PDE4D: variants seen among roughly 807,000 people sequenced by gnomAD.
The protein encoded by PDE4D is phosphodiesterase 4D.
Under a neutral mutation model 87.4 loss-of-function variants are expected in PDE4D, and 24 were observed. The ratio of observed to expected loss-of-function variants is 0.27; its 90% CI spans 0.20 to 0.39. PDE4D has a LOEUF of 0.39. Among genes scored for constraint, PDE4D ranks in the 10% least tolerant of loss-of-function variants. PDE4D has a pLI of 1.00. For synonymous variants in PDE4D, 384 were observed against 383.2 expected (o/e 1.00, Z -0.02); for missense variants, 714 against 1,041.0 (o/e 0.69, Z 4.32).
At chr5:59,575,258 C>T (rs1822944747) in intron 1 of PDE4D, among the ~76,000 whole-genome samples, 1 of 152,038 alleles carries the variant, frequency 6.6e-6, no homozygotes, top group Non-Finnish European at 1.5e-5. Context: ...GTCTGAAGAC[C>T]ACATCATGTA....
chr5:59,814,428 T>G (rs1404270873), intron 1 of PDE4D, among the ~76,000 whole-genome samples: 1 of 152,216 alleles, frequency 6.6e-6, no homozygotes, highest in Non-Finnish European at 1.5e-5. Flanking sequence ...CTAAGGAACT[T>G]CGATATGTGT....
intron 5 of PDE4D, among the ~76,000 whole-genome samples, chr5:59,042,819 A>C (rs1759916788): frequency 6.6e-6 from 1 of 152,166 alleles, no homozygotes; most frequent in Admixed American, 6.5e-5. Flanking sequence ...CTTCTGTCAC[A>C]GTGATATGCT....
chr5:60,132,393 G>A (rs149058208), intron 2 of PDE4D, among the ~76,000 whole-genome samples: 67 of 152,008 alleles, frequency 4.4e-4, no homozygotes, highest in Non-Finnish European at 8.4e-4. Flanking sequence ...ATGTATTACC[G>A]TATTCCAGAA....
intron 2 of PDE4D, among the ~76,000 whole-genome samples, chr5:60,035,931 C>T (rs925920156): frequency 1.3e-5 from 2 of 152,216 alleles, no homozygotes; most frequent in Non-Finnish European, 2.9e-5. Context: ...CAGATTCAAA[C>T]TGTGATTTTA....
intron 5 of PDE4D, among the ~76,000 whole-genome samples, chr5:59,086,243 T>C (rs1767656124): frequency 1.3e-5 from 2 of 152,184 alleles, no homozygotes; most frequent in Admixed American, 1.3e-4. Flanking sequence ...TCTGGCTTCT[T>C]GTATAAATCT....
At chr5:59,723,746 C>A (rs1457248122) in intron 1 of PDE4D, among the ~76,000 whole-genome samples, 1 of 152,092 alleles carries the variant, frequency 6.6e-6, no homozygotes, top group Non-Finnish European at 1.5e-5. Flanking sequence ...CATTCTGAGA[C>A]CCACGTAAGG....
chr5:60,322,697 T>C (rs1399194099), intron 1 of PDE4D, among the ~76,000 whole-genome samples: 2 of 152,202 alleles, frequency 1.3e-5, no homozygotes, highest in Non-Finnish European at 2.9e-5. Flanking sequence ...TACCAATGGC[T>C]TTTAAGCATA....
At chr5:59,051,478 C>A (rs959018616) in intron 5 of PDE4D, among the ~76,000 whole-genome samples, 1 of 152,210 alleles carries the variant, frequency 6.6e-6, no homozygotes, top group Non-Finnish European at 1.5e-5. Flanking sequence ...ATCACTTACA[C>A]TGAGGTTACT....
intron 2 of PDE4D, among the ~76,000 whole-genome samples, chr5:60,116,442 A>G (rs1285376508): frequency 6.6e-6 from 1 of 152,114 alleles, no homozygotes; most frequent in Non-Finnish European, 1.5e-5. Flanking sequence ...CCAGTACAAC[A>G]TAATCCTTTG....
At chr5:60,460,759 A>G (rs933593602) in intron 1 of PDE4D, 4 of 628,008 alleles carry the variant, frequency 6.4e-6, no homozygotes, top group Non-Finnish European at 1.1e-5. Context: ...GAAGTCCAAG[A>G]ACCAGACCAC....
chr5:59,157,338 T>C (rs1435157669), intron 5 of PDE4D: 1 of 702,650 alleles, frequency 1.4e-6, no homozygotes, highest in South Asian at 1.5e-5. Flanking sequence ...AAGTAACGTA[T>C]ATGGGTTCAA....
At chr5:60,454,617 G>A (rs771486068) in intron 1 of PDE4D, among the ~76,000 whole-genome samples, 5 of 152,064 alleles carry the variant, frequency 3.3e-5, no homozygotes, top group Admixed American at 1.3e-4. Flanking sequence ...CATGACACAG[G>A]GAAGGGAACA....
At chr5:60,024,624 G>A (rs1475271576) in intron 2 of PDE4D, among the ~76,000 whole-genome samples, 1 of 152,062 alleles carries the variant, frequency 6.6e-6, no homozygotes, top group East Asian at 1.9e-4. Context: ...CAGTCCCCAA[G>A]CACAATTATG....
intron 5 of PDE4D, among the ~76,000 whole-genome samples, chr5:59,043,212 T>TA (rs1008097595): frequency 2.4e-4 from 36 of 150,728 alleles, no homozygotes; most frequent in East Asian, 3.9e-4. Context: ...GCCCTTAATT[T>TA]AAAAAAAAAA....
At chr5:59,750,489 A>G (rs1392713022) in intron 1 of PDE4D, among the ~76,000 whole-genome samples, 2 of 152,144 alleles carry the variant, frequency 1.3e-5, no homozygotes, top group Admixed American at 6.5e-5. Flanking sequence ...GGATAATCAT[A>G]TAGCTCGTTC....
rs748827625 is a variant in PDE4D, at chr5:58,990,906, G to T, written c.1189-4C>A. 6.2e-6 allele frequency: 9 copies of T among 1,447,150 alleles called. No homozygotes were observed. The highest frequency in any genetic ancestry group is 1.5e-5 in the African/African-American group (1 of 68,836). The allele number at this position is 1,447,150 out of a possible 1,614,324, so 89.6% of individuals were successfully genotyped here. On this transcript the variant is annotated splice_polypyrimidine_tract_variant and splice_region_variant and intron_variant, in intron 8 of 14. Coordinates refer to ENST00000340635, the MANE Select transcript of PDE4D (RefSeq NM_001104631.2). The stretch of plus-strand genomic sequence containing the variant: ...ATTTGTTCACATCTTCTAGTTCCTG[G>T]AGTGAAAAAAAAAAAAAGATACTAA...
At chr5:60,330,129 TG>T (rs1757187167) in intron 1 of PDE4D, among the ~76,000 whole-genome samples, 1 of 152,126 alleles carries the variant, frequency 6.6e-6, no homozygotes, top group African/African-American at 2.4e-5. Flanking sequence ...TAGAGGAAAA[TG>T]TAAGATTTTT....
rs76062456 is a variant in PDE4D, at chr5:59,303,197, T to G, written c.456-87229A>C. On this transcript the variant is annotated intron_variant, in intron 1 of 14. Transcript: ENST00000340635. ...CCATTTGTATATCTTCTTTTGTGAA[T>G]TGCCTACTCATGCCCTTAGCCTACT... Among the ~76,000 whole-genome samples, 546 of 152,280 alleles carry G rather than the reference T, an allele frequency of 3.6e-3. 1 individual carries two copies. Among genetic ancestry groups the G allele is most frequent in the Non-Finnish European group, 5.3e-3 (362 of 67,996 alleles).
At chr5:59,312,046 A>G (rs1489688509) in intron 1 of PDE4D, among the ~76,000 whole-genome samples, 1 of 151,640 alleles carries the variant, frequency 6.6e-6, no homozygotes, top group African/African-American at 2.4e-5. Context: ...TATTTATCCC[A>G]CTCCCAGACC....
Sources: allele counts gnomAD v4.1 joint callset (sites outside exome capture counted in the v4.1 genomes callset), GRCh38; gene constraint gnomAD v4.1.1; transcripts MANE v1.5; gene names NCBI Gene and HGNC (gene_info 2026-07-23, HGNC 2026-07-21).